POU6F2: variants seen among roughly 807,000 people sequenced by gnomAD.
POU6F2 encodes POU class 6 homeobox 2, also known as POU domain, class 6, transcription factor 2.
In POU6F2, 31 loss-of-function variants were observed where a neutral mutation model predicts 71.3. The ratio of observed to expected loss-of-function variants is 0.43; its 90% CI spans 0.33 to 0.59. POU6F2 has a LOEUF of 0.59. Among genes scored for constraint, POU6F2 ranks in the 20% least tolerant of loss-of-function variants. The pLI is 0.04. For synonymous variants in POU6F2, 347 were observed against 355.7 expected, an observed-to-expected ratio of 0.98 and a Z score of 0.27; for missense variants, 783 against 856.8, an observed-to-expected ratio of 0.91 and a Z score of 1.07.
chr7:39,079,447 G>C (rs1052141352), intron 1 of POU6F2, among the ~76,000 whole-genome samples: 35 of 151,958 alleles, frequency 2.3e-4, no homozygotes, highest in African/African-American at 7.3e-4. Flanking sequence ...AAAGTGCTGG[G>C]ATTACAGGCT....
intron 4 of POU6F2, among the ~76,000 whole-genome samples, chr7:39,261,358 G>C (rs931780685): frequency 6.6e-6 from 1 of 152,212 alleles, no homozygotes; most frequent in African/African-American, 2.4e-5. Flanking sequence ...TATTAAAGTA[G>C]GTCATTCCAG....
chr7:39,291,639 C>T (rs1784758450), intron 4 of POU6F2, among the ~76,000 whole-genome samples: 1 of 152,152 alleles, frequency 6.6e-6, no homozygotes, highest in Non-Finnish European at 1.5e-5. Context: ...AGTGCTCTCT[C>T]TGCAGTGCTT....
chr7:39,075,484 C>T (rs757684273), intron 1 of POU6F2, among the ~76,000 whole-genome samples: 5 of 152,136 alleles, frequency 3.3e-5, no homozygotes, highest in African/African-American at 4.8e-5. Flanking sequence ...TTTTTCTTCT[C>T]AACTTTGTCA....
At chr7:39,146,840 C>T (rs1267197806) in intron 2 of POU6F2, among the ~76,000 whole-genome samples, 1 of 152,158 alleles carries the variant, frequency 6.6e-6, no homozygotes, top group Non-Finnish European at 1.5e-5. Flanking sequence ...TATCCCCAGG[C>T]AAGGGGTCTT....
At chr7:39,064,742 A>G (rs985996394) in intron 1 of POU6F2, among the ~76,000 whole-genome samples, 4 of 151,848 alleles carry the variant, frequency 2.6e-5, no homozygotes, top group East Asian at 1.9e-4. Flanking sequence ...AAGACATAAA[A>G]CTGGTAAAAA....
chr7:39,418,993 A>G (rs202213096), intron 6 of POU6F2, among the ~76,000 whole-genome samples: 27 of 134,098 alleles, frequency 2.0e-4, no homozygotes, highest in African/African-American at 6.2e-4. Flanking sequence ...ATGTGTATAT[A>G]TGTGTATATA....
At chr7:39,091,110 T>C (rs1193106825) in intron 2 of POU6F2, among the ~76,000 whole-genome samples, 1 of 152,206 alleles carries the variant, frequency 6.6e-6, no homozygotes, top group Non-Finnish European at 1.5e-5. Context: ...AATGCTGCAT[T>C]GATAAATAAA....
chr7:39,267,674 T>G (rs975890595), intron 4 of POU6F2, among the ~76,000 whole-genome samples: 1 of 152,116 alleles, frequency 6.6e-6, no homozygotes, highest in African/African-American at 2.4e-5. Context: ...CTTGCTATGT[T>G]TCCCAGTCTG....
chr7:39,291,019 A>G lies in POU6F2; in HGVS notation c.599-48623A>G, dbSNP rs1191144029. ...TATTTAGAGGCAAAGAGGACAGAAA[A>G]AAAAAAAAAAAAAAAAGCACAAGTT... On this transcript the variant is annotated intron_variant, in intron 4 of 9. Coordinates refer to ENST00000518318, the MANE Select transcript of POU6F2 (RefSeq NM_001370959.1). 3.2e-4 allele frequency among the ~76,000 whole-genome samples: 15 copies of G among 46,190 alleles called. No individual in the cohort carries two copies. The East Asian group carries it at 9.6e-3, about 30-fold the overall frequency. The allele number at this position is 46,190 out of a possible 152,430, so 30.3% of individuals were successfully genotyped here. A position where few individuals can be genotyped will look rare whatever the true frequency, so the allele number is the denominator to read the frequency against.
chr7:39,423,485 G>A (rs760011742), intron 6 of POU6F2, among the ~76,000 whole-genome samples: 3 of 152,186 alleles, frequency 2.0e-5, no homozygotes, highest in Non-Finnish European at 4.4e-5. Context: ...GAGTGAGTGA[G>A]TGAGTGAGTG....
chr7:39,304,540 A>G (rs1012780678), intron 4 of POU6F2, among the ~76,000 whole-genome samples: 4 of 79,764 alleles, frequency 5.0e-5, no homozygotes, highest in African/African-American at 1.8e-4. Flanking sequence ...ATTTAAAGAC[A>G]GGAGAAAAAA....
chr7:39,002,478 G>T (rs979256194), intron 1 of POU6F2, among the ~76,000 whole-genome samples: 1 of 152,154 alleles, frequency 6.6e-6, no homozygotes, highest in Non-Finnish European at 1.5e-5. Context: ...CTCCCAAGGG[G>T]CTGGGACTAC....
intron 2 of POU6F2, among the ~76,000 whole-genome samples, chr7:39,111,248 C>G (rs1391547123): frequency 6.6e-6 from 1 of 152,152 alleles, no homozygotes; most frequent in African/African-American, 2.4e-5. Context: ...TGAAGTTTTA[C>G]TAATAATTTT....
intron 2 of POU6F2, among the ~76,000 whole-genome samples, chr7:39,148,937 G>T (rs1792683341): frequency 6.6e-6 from 1 of 152,226 alleles, no homozygotes; most frequent in South Asian, 2.1e-4. Flanking sequence ...GAAGGACGGG[G>T]AGTTTCCTGG....
intron 2 of POU6F2, among the ~76,000 whole-genome samples, chr7:39,102,035 C>T (rs1791585593): frequency 6.6e-6 from 1 of 152,070 alleles, no homozygotes; most frequent in Non-Finnish European, 1.5e-5. Flanking sequence ...AGATGTATTT[C>T]TTTTTTCCTA....
chr7:39,089,345 CA>C (rs1301570945), intron 2 of POU6F2, among the ~76,000 whole-genome samples: 2 of 152,084 alleles, frequency 1.3e-5, no homozygotes, highest in Non-Finnish European at 2.9e-5. Context: ...CTGTAAGAAA[CA>C]GTATAGAGGA....
intron 5 of POU6F2, among the ~76,000 whole-genome samples, chr7:39,360,690 T>C (rs1253415467): frequency 6.6e-6 from 1 of 152,226 alleles, no homozygotes; most frequent in African/African-American, 2.4e-5. Context: ...GCTACTTCCA[T>C]AGGCAGAGGA....
chr7:39,341,537 C>A, intron 5 of POU6F2, among the ~76,000 whole-genome samples: 1 of 152,128 alleles, frequency 6.6e-6, no homozygotes, highest in East Asian at 1.9e-4. Context: ...ATTTGGGATT[C>A]AACTTTATTA....
chr7:39,280,886 G>C (rs1022629635), intron 4 of POU6F2, among the ~76,000 whole-genome samples: 5 of 152,202 alleles, frequency 3.3e-5, no homozygotes, highest in Non-Finnish European at 7.3e-5. Context: ...AAGTGATGAT[G>C]CTCACAAGTT....
Sources: allele counts gnomAD v4.1 joint callset (sites outside exome capture counted in the v4.1 genomes callset), GRCh38; gene constraint gnomAD v4.1.1; transcripts MANE v1.5; gene names NCBI Gene and HGNC (gene_info 2026-07-23, HGNC 2026-07-21).